The following LEPR variants were observed in gnomAD, a reference collection of about 807,000 sequenced individuals.
The protein encoded by LEPR is OB receptor.
In LEPR, 56 loss-of-function variants were observed where a neutral mutation model predicts 114.7. That is an observed-to-expected ratio of 0.49 (90% CI 0.39 to 0.61). LEPR has a LOEUF of 0.61. Among genes scored for constraint, LEPR ranks in the 20% least tolerant of loss-of-function variants. LEPR has a pLI of 0.00. For synonymous variants in LEPR, 443 were observed against 461.4 expected (o/e 0.96, Z 0.51); for missense variants, 1,202 against 1,352.9 (o/e 0.89, Z 1.75).
At chr1:65,538,668 A>C (rs1205634083) in intron 2 of LEPR, among the ~76,000 whole-genome samples, 3 of 152,102 alleles carry the variant, frequency 2.0e-5, no homozygotes, top group Non-Finnish European at 2.9e-5. Context: ...TTTTGGGATG[A>C]AACATTTGTT....
At chr1:65,525,368 G>C (rs1649863792) in intron 2 of LEPR, among the ~76,000 whole-genome samples, 1 of 152,178 alleles carries the variant, frequency 6.6e-6, no homozygotes. Flanking sequence ...GGGAACTCGC[G>C]GCACCGCGTG....
chr1:65,523,335 C>T (rs1005305066), intron 2 of LEPR, among the ~76,000 whole-genome samples: 3 of 152,080 alleles, frequency 2.0e-5, no homozygotes, highest in Non-Finnish European at 4.4e-5. Context: ...TTTTTTGAGA[C>T]GGAGTCTCAC....
At chr1:65,482,941 T>C (rs575837705) in intron 2 of LEPR, among the ~76,000 whole-genome samples, 71 of 151,148 alleles carry the variant, frequency 4.7e-4, no homozygotes, top group African/African-American at 1.6e-3. Flanking sequence ...TGAGCCGAGA[T>C]TGTGCCACTA....
chr1:65,495,888 A>C (rs1172886611), intron 2 of LEPR, among the ~76,000 whole-genome samples: 1 of 152,188 alleles, frequency 6.6e-6, no homozygotes, highest in African/African-American at 2.4e-5. Context: ...AGTGGTTATC[A>C]GAGCTTGGGA....
At chr1:65,509,836 A>G (rs1223485760) in intron 2 of LEPR, among the ~76,000 whole-genome samples, 1 of 152,132 alleles carries the variant, frequency 6.6e-6, no homozygotes, top group East Asian at 1.9e-4. Flanking sequence ...TTTCCTTTGT[A>G]TACATTTAAA....
intron 7 of LEPR, among the ~76,000 whole-genome samples, chr1:65,597,477 A>C (rs779454364): frequency 6.6e-6 from 1 of 152,084 alleles, no homozygotes; most frequent in African/African-American, 2.4e-5. Flanking sequence ...GGAAGGTTGC[A>C]ATAATAAATG....
chr1:65,572,754 A>G (rs1226950784), intron 5 of LEPR, among the ~76,000 whole-genome samples: 1 of 152,168 alleles, frequency 6.6e-6, no homozygotes, highest in African/African-American at 2.4e-5. Context: ...TAGCTGAACG[A>G]ACACTCTGGG....
chr1:65,542,307 T>A (rs1651285449), intron 2 of LEPR, among the ~76,000 whole-genome samples: 2 of 152,034 alleles, frequency 1.3e-5, no homozygotes, highest in Non-Finnish European at 2.9e-5. Context: ...GCTGTTTTTC[T>A]TTTTAAACGT....
intron 1 of LEPR, among the ~76,000 whole-genome samples, chr1:65,421,649 G>A (rs879155621): frequency 1.3e-5 from 2 of 152,202 alleles, no homozygotes; most frequent in South Asian, 2.1e-4. Flanking sequence ...TGAGCTGTTA[G>A]CAGCAGACAT....
intron 2 of LEPR, chr1:65,435,316 T>A: frequency 1.6e-5 from 16 of 985,256 alleles, no homozygotes; most frequent in Non-Finnish European, 1.8e-5. Context: ...ACCTTCTTTA[T>A]GTTCTCAGGG....
In LEPR at chr1:65,601,484, T is replaced by C. The variant is rs773427928; in HGVS notation, c.1087T>C (p.Ser363Pro). 6.2e-7 allele frequency: 1 copy of C among 1,613,758 alleles called. No individual in the cohort carries two copies. The highest frequency in any genetic ancestry group is 1.1e-5 in the South Asian group (1 of 91,070). Residue 363 changes from serine to proline, a missense_variant, in exon 9 of 20, where the codon TCA (serine) becomes CCA (proline). By Grantham distance (74) the Ser-to-Pro change is moderately conservative. Transcript: ENST00000349533. ...IYKKENKIVP[S>P]KEIVWWMNLA... is the part of the protein sequence containing the mutation. ...TAAGAAGGAAAACAAGATTGTTCCCTCAAAAGAGATTGTTTGGTGGATGAA... is the reference window on the plus strand; with the variant it reads ...TAAGAAGGAAAACAAGATTGTTCCCCCAAAAGAGATTGTTTGGTGGATGAA...
At chr1:65,564,137 C>G (rs1317805412) in intron 2 of LEPR, among the ~76,000 whole-genome samples, 34 of 147,892 alleles carry the variant, frequency 2.3e-4, no homozygotes, top group African/African-American at 6.9e-4. Flanking sequence ...CAATGGTGGG[C>G]GCCCCTCCCC....
At chr1:65,448,486 A>G (rs761115560) in intron 2 of LEPR, among the ~76,000 whole-genome samples, 2 of 152,112 alleles carry the variant, frequency 1.3e-5, no homozygotes, top group Non-Finnish European at 2.9e-5. Context: ...TAGTCTTTTT[A>G]TGTAATGTCT....
intron 5 of LEPR, 77 bp downstream of exon 5, chr1:65,572,526 A>T: frequency 7.3e-7 from 1 of 1,373,310 alleles, no homozygotes; most frequent in Non-Finnish European, 1.0e-6. Flanking sequence ...GAAGTAGATT[A>T]TAAACCTCTT....
chr1:65,543,540 G>A (rs149472950), intron 2 of LEPR, among the ~76,000 whole-genome samples: 101 of 152,052 alleles, frequency 6.6e-4, no homozygotes, highest in Non-Finnish European at 1.3e-3. Context: ...TGAAGACTTT[G>A]CTCATGCCTA....
chr1:65,470,353 A>G (rs963010486), intron 2 of LEPR, among the ~76,000 whole-genome samples: 7 of 152,226 alleles, frequency 4.6e-5, no homozygotes, highest in Non-Finnish European at 7.3e-5. Flanking sequence ...GCAGCTACGT[A>G]TTTTAAATAG....
At chr1:65,508,615 A>T (rs1047557098) in intron 2 of LEPR, among the ~76,000 whole-genome samples, 4 of 152,116 alleles carry the variant, frequency 2.6e-5, no homozygotes, top group Admixed American at 1.3e-4. Context: ...GACATCTGAT[A>T]GTGTGATGAC....
chr1:65,445,668 T>C (rs1557594853), intron 2 of LEPR, among the ~76,000 whole-genome samples: 1 of 152,156 alleles, frequency 6.6e-6, no homozygotes, highest in Admixed American at 6.5e-5. Context: ...AATCTTTCAA[T>C]GTATTAGCAA....
intron 2 of LEPR, among the ~76,000 whole-genome samples, chr1:65,460,387 C>T (rs1316289188): frequency 6.6e-6 from 1 of 151,942 alleles, no homozygotes; most frequent in Non-Finnish European, 1.5e-5. Flanking sequence ...AGCTGAGGTA[C>T]ATGTTACAGT....
Sources: allele counts gnomAD v4.1 joint callset (sites outside exome capture counted in the v4.1 genomes callset), GRCh38; gene constraint gnomAD v4.1.1; transcripts MANE v1.5; gene names NCBI Gene and HGNC (gene_info 2026-07-23, HGNC 2026-07-21).